Variants in IL1RAPL1 observed in about 807,000 individuals in gnomAD.
IL1RAPL1 encodes the protein interleukin-1 receptor accessory protein-like 1.
In IL1RAPL1, 3 loss-of-function variants were observed where a neutral mutation model predicts 48.4. The ratio of observed to expected loss-of-function variants is 0.06; its 90% CI spans 0.03 to 0.16. The LOEUF (loss-of-function observed/expected upper bound fraction) is 0.16. Among genes scored for constraint, IL1RAPL1 ranks in the 10% least tolerant of loss-of-function variants. IL1RAPL1 has a pLI of 1.00. For synonymous variants in IL1RAPL1, 185 were observed against 187.7 expected, an observed-to-expected ratio of 0.99 and a Z score of 0.12; for missense variants, 349 against 530.6, an observed-to-expected ratio of 0.66 and a Z score of 3.36.
intron 2 of IL1RAPL1, among the ~76,000 whole-genome samples, chrX:29,078,194 C>T (rs1927723604): frequency 8.9e-6 from 1 of 111,859 alleles, no homozygotes; most frequent in African/African-American, 3.3e-5. Context: ...ATCACTTGAA[C>T]CTGGGAGGTG....
At chrX:29,390,342 G>A (rs1321230198) in intron 3 of IL1RAPL1, among the ~76,000 whole-genome samples, 2 of 111,187 alleles carry the variant, frequency 1.8e-5, no homozygotes, top group Non-Finnish European at 3.8e-5. Flanking sequence ...AATATTATGT[G>A]CCTTCATTCT....
intron 2 of IL1RAPL1, among the ~76,000 whole-genome samples, chrX:28,930,824 G>A (rs1014921617): frequency 2.7e-5 from 3 of 110,445 alleles, no homozygotes; most frequent in Non-Finnish European, 5.7e-5. Context: ...TGTATTTTTG[G>A]TAGAGACGGG....
chrX:28,777,678 T>G (rs1936374713), intron 1 of IL1RAPL1, among the ~76,000 whole-genome samples: 1 of 111,431 alleles, frequency 9.0e-6, no homozygotes, highest in African/African-American at 3.3e-5. Flanking sequence ...CTCCATGGCC[T>G]CAGAATGGAA....
chrX:28,682,264 A>G (rs182502131), intron 1 of IL1RAPL1, among the ~76,000 whole-genome samples: 25 of 109,717 alleles, frequency 2.3e-4, no homozygotes, highest in African/African-American at 8.3e-4. Flanking sequence ...ATGTATAAGT[A>G]CCTATTTTCA....
intron 6 of IL1RAPL1, among the ~76,000 whole-genome samples, chrX:29,839,821 T>C (rs1185496901): frequency 8.9e-6 from 1 of 111,897 alleles, no homozygotes; most frequent in Admixed American, 9.5e-5. Flanking sequence ...CTCAGGGGGC[T>C]GAGGCAGGAG....
At chrX:29,138,040 A>C (rs955785822) in intron 2 of IL1RAPL1, among the ~76,000 whole-genome samples, 3 of 112,538 alleles carry the variant, frequency 2.7e-5, no homozygotes, top group African/African-American at 9.7e-5. Flanking sequence ...TAATTTGTAC[A>C]TATAACTCTT....
intron 5 of IL1RAPL1, among the ~76,000 whole-genome samples, chrX:29,484,289 G>T (rs950458115): frequency 2.7e-5 from 3 of 111,409 alleles, no homozygotes; most frequent in African/African-American, 9.8e-5. Context: ...ATAATATGTC[G>T]AAGGGTATCA....
At chrX:29,572,105 C>T (rs1379292797) in intron 5 of IL1RAPL1, among the ~76,000 whole-genome samples, 1 of 111,623 alleles carries the variant, frequency 9.0e-6, no homozygotes, top group East Asian at 2.8e-4. Flanking sequence ...TTTTATTTTT[C>T]GTGTCTCTAG....
intron 2 of IL1RAPL1, among the ~76,000 whole-genome samples, chrX:28,863,770 T>C (rs1194450187): frequency 8.9e-6 from 1 of 111,804 alleles, no homozygotes; most frequent in Non-Finnish European, 1.9e-5. Context: ...CGATTGCATA[T>C]TGCATATATA....
chrX:29,862,165 A>G (rs1931600359), intron 6 of IL1RAPL1, among the ~76,000 whole-genome samples: 1 of 111,529 alleles, frequency 9.0e-6, no homozygotes, highest in Admixed American at 9.5e-5. Context: ...GTCTCAAAAA[A>G]AAAAAAAAAA....
chrX:29,532,245 G>T (rs1219741319), intron 5 of IL1RAPL1, among the ~76,000 whole-genome samples: 2 of 111,924 alleles, frequency 1.8e-5, no homozygotes, highest in Non-Finnish European at 3.8e-5. Flanking sequence ...CTCTGACAAG[G>T]ATATGACTGA....
intron 6 of IL1RAPL1, among the ~76,000 whole-genome samples, chrX:29,791,862 G>T (rs1929645830): frequency 9.2e-6 from 1 of 108,174 alleles, no homozygotes; most frequent in African/African-American, 3.4e-5. Flanking sequence ...TCCCAAGTAG[G>T]TGGGACTACA....
intron 5 of IL1RAPL1, among the ~76,000 whole-genome samples, chrX:29,582,476 C>T (rs1465767022): frequency 5.4e-5 from 5 of 93,110 alleles, no homozygotes; most frequent in Admixed American, 4.9e-4. Flanking sequence ...ATGTGCCATA[C>T]TGGTGCGCTG....
intron 1 of IL1RAPL1, among the ~76,000 whole-genome samples, chrX:28,734,683 C>G (rs983269166): frequency 9.0e-6 from 1 of 110,897 alleles, no homozygotes; most frequent in African/African-American, 3.3e-5. Flanking sequence ...ACATCATGTA[C>G]CATTTACTTA....
intron 1 of IL1RAPL1, among the ~76,000 whole-genome samples, chrX:28,702,007 T>C (rs1935305238): frequency 9.0e-6 from 1 of 111,690 alleles, no homozygotes; most frequent in Non-Finnish European, 1.9e-5. Context: ...TATAGGAGTT[T>C]TACCAGGCTC....
chrX:28,604,796 G>A (rs1404577072), intron 1 of IL1RAPL1, among the ~76,000 whole-genome samples: 2 of 108,291 alleles, frequency 1.8e-5, no homozygotes, highest in Admixed American at 2.0e-4. Flanking sequence ...CATAATAAAT[G>A]CTAATCCTTA....
intron 2 of IL1RAPL1, among the ~76,000 whole-genome samples, chrX:28,855,421 C>T (rs1370897152): frequency 9.0e-6 from 1 of 111,180 alleles, no homozygotes; most frequent in Admixed American, 9.6e-5. Context: ...ATAATCATTC[C>T]AAGAAAATAA....
intron 1 of IL1RAPL1, among the ~76,000 whole-genome samples, chrX:28,636,730 G>T (rs1934469886): frequency 9.0e-6 from 1 of 111,088 alleles, no homozygotes; most frequent in Admixed American, 9.6e-5. Context: ...GAGCAAAAGG[G>T]GATTGTCTGG....
rs756530352 is a variant in IL1RAPL1, at chrX:29,886,450, C to A, written c.779-31014C>A. On this transcript the variant is annotated intron_variant, in intron 6 of 10. Coordinates refer to ENST00000378993, the MANE Select transcript of IL1RAPL1 (RefSeq NM_014271.4). The stretch of plus-strand genomic sequence containing the variant: ...TCACTTAATAAAGATGAGTAGAGGG[C>A]AAAAATCAGTAGTAACTTTGGGGAA... Among the ~76,000 whole-genome samples, 141 of 111,717 alleles carry A rather than the reference C, an allele frequency of 1.3e-3. 1 individual carries two copies. The highest frequency in any genetic ancestry group is 1.2e-3 in the Non-Finnish European group (66 of 53,130).
Sources: allele counts gnomAD v4.1 joint callset (sites outside exome capture counted in the v4.1 genomes callset), GRCh38; gene constraint gnomAD v4.1.1; transcripts MANE v1.5; gene names NCBI Gene and HGNC (gene_info 2026-07-23, HGNC 2026-07-21).